IL1R1: variants seen among roughly 807,000 people sequenced by gnomAD.
The protein encoded by IL1R1 is interleukin-1 receptor type 1.
In IL1R1, 22 loss-of-function variants were observed where a neutral mutation model predicts 50.2. The observed-to-expected ratio is 0.44, with a 90% CI of 0.31 to 0.63. IL1R1 has a LOEUF of 0.63. IL1R1 is among the 20% of genes least tolerant of loss of function. The pLI is 0.07. For missense variants in IL1R1, 509 were observed against 676.2 expected (o/e 0.75, Z 2.74); for synonymous variants, 251 against 236.7 (o/e 1.06, Z -0.55).
At position 102,179,437 on chromosome 2, in the gene IL1R1, T is replaced by C. The variant is rs954183924; in HGVS notation, c.*2678T>C. On this transcript the variant is annotated 3_prime_UTR_variant, in exon 12 of 12. Transcript: ENST00000410023. ...CTGGAGGAAGAAGACACATTCCTAG[T>C]TCCCCGTGAACTTCCTTTGACTTAT... 1.3e-5 allele frequency: 2 copies of C among 152,382 alleles called. No individual in the cohort carries two copies. The highest frequency in any genetic ancestry group is 2.1e-4 in the South Asian group (1 of 4,834). 9.4% of individuals were successfully genotyped at this position (152,382 alleles called of 1,614,324 possible).
At chr2:102,090,276 A>G (rs1679610689) in intron 1 of IL1R1, among the ~76,000 whole-genome samples, 1 of 151,002 alleles carries the variant, frequency 6.6e-6, no homozygotes, top group South Asian at 2.1e-4. Flanking sequence ...TGTTGGGGGT[A>G]TGTAATAACA....
At chr2:102,103,089 G>A (rs138407716), upstream of IL1R1, among the ~76,000 whole-genome samples, 321 of 152,208 alleles carry the variant, frequency 2.1e-3, no homozygotes, top group Middle Eastern at 0.017. Context: ...AGACCAAGCC[G>A]CCTGAATACA....
intron 1 of IL1R1, among the ~76,000 whole-genome samples, chr2:102,088,526 A>G (rs980317360): frequency 6.6e-6 from 1 of 152,174 alleles, no homozygotes; most frequent in Non-Finnish European, 1.5e-5. Flanking sequence ...TGTTAAGTTT[A>G]TAGCGCATAG....
chr2:102,117,869 C>T (rs1284874639), intron 1 of IL1R1, among the ~76,000 whole-genome samples: 2 of 151,502 alleles, frequency 1.3e-5, no homozygotes, highest in Non-Finnish European at 2.9e-5. Context: ...GGGAGTTTTC[C>T]GTCAAAATCA....
Position 102,127,804 on chromosome 2 carries a change from C to A in IL1R1, c.-84+22932C>A, listed in dbSNP as rs531905356. 1.5e-4 allele frequency among the ~76,000 whole-genome samples: 23 copies of A among 152,030 alleles called. 1 individual carries two copies. The highest frequency in any genetic ancestry group is 5.3e-4 in the African/African-American group (22 of 41,442). ...AGTAGTGTAGGAGGAATGAGAAAGC[C>A]ATACTGCAATTATCAGGACAGGAAA... On this transcript the variant is annotated intron_variant, in intron 1 of 10. Coordinates refer to the IL1R1 transcript ENST00000409329.
At position 102,119,250 on chromosome 2, in the gene IL1R1, C is replaced by T. The variant is rs531164859; in HGVS notation, c.-84+14378C>T. Reference sequence around the variant, plus strand: ...TAGTGATAATGTAAGTTCTTTATTGCACTTCAAAAGTATTTCTCTGTCCAT... The same window carrying T: ...TAGTGATAATGTAAGTTCTTTATTGTACTTCAAAAGTATTTCTCTGTCCAT... On this transcript the variant is annotated intron_variant, in intron 1 of 10. Coordinates refer to the IL1R1 transcript ENST00000409329. Among the ~76,000 whole-genome samples the T allele has an allele frequency of 3.0e-4, 45 of 152,228 alleles. 1 individual carries two copies. The highest frequency in any genetic ancestry group is 6.2e-4 in the South Asian group (3 of 4,830).
chr2:102,091,800 C>T (rs1679678386), intron 1 of IL1R1, among the ~76,000 whole-genome samples: 1 of 152,162 alleles, frequency 6.6e-6, no homozygotes, highest in Non-Finnish European at 1.5e-5. Flanking sequence ...CCTTCCCAGC[C>T]TCTACTATCT....
chr2:102,155,294 G>A (rs874108), intron 2 of IL1R1, among the ~76,000 whole-genome samples: 1 of 152,338 alleles, frequency 6.6e-6, no homozygotes, highest in African/African-American at 2.4e-5. Context: ...TCAATGACAT[G>A]CTGTCACTGC....
At chr2:102,152,322 G>C (rs1203408728) in intron 1 of IL1R1, among the ~76,000 whole-genome samples, 1 of 151,134 alleles carries the variant, frequency 6.6e-6, no homozygotes, top group Non-Finnish European at 1.5e-5. Flanking sequence ...TGGCTAACAC[G>C]GTGAAACCCC....
chr2:102,173,655 A>G (rs3917311), intron 9 of IL1R1, among the ~76,000 whole-genome samples: 2,126 of 152,326 alleles, frequency 0.014, 22 homozygotes, highest in East Asian at 0.05. Context: ...TATTATGAAG[A>G]TATCAGTTCT....
chr2:102,087,583 A>G (rs574959203), intron 1 of IL1R1, among the ~76,000 whole-genome samples: 8 of 152,292 alleles, frequency 5.3e-5, no homozygotes, highest in African/African-American at 1.7e-4. Flanking sequence ...TGACTGGATC[A>G]TGGGAGCTGT....
intron 1 of IL1R1, among the ~76,000 whole-genome samples, chr2:102,114,632 ATCAC>A (rs1449300980): frequency 6.6e-6 from 1 of 152,238 alleles, no homozygotes; most frequent in Non-Finnish European, 1.5e-5. Context: ...TACACTCGGT[ATCAC>A]TCACTGTGCT....
intron 3 of IL1R1, among the ~76,000 whole-genome samples, chr2:102,158,968 G>T (rs1684455767): frequency 6.6e-6 from 1 of 152,208 alleles, no homozygotes; most frequent in Admixed American, 6.5e-5. Context: ...TTTGGGAACA[G>T]AACCAAGAGG....
At chr2:102,100,048 A>G (rs1356572015), upstream of IL1R1, among the ~76,000 whole-genome samples, 1 of 151,422 alleles carries the variant, frequency 6.6e-6, no homozygotes, top group Non-Finnish European at 1.5e-5. Context: ...TCCCTCCCCA[A>G]CCCCTGGCTT....
intron 8 of IL1R1, chr2:102,172,129 C>A (rs1685739643): frequency 3.4e-6 from 1 of 291,458 alleles, no homozygotes; most frequent in African/African-American, 2.7e-5. Flanking sequence ...GTGCAAATTA[C>A]AGACCACTTA....
chr2:102,123,530 C>T (rs769770206), intron 1 of IL1R1, among the ~76,000 whole-genome samples: 1 of 152,184 alleles, frequency 6.6e-6, no homozygotes, highest in Non-Finnish European at 1.5e-5. Flanking sequence ...AATCCCAGCA[C>T]TTTGGGAGGC....
chr2:102,162,763 C>T (rs746607900), intron 3 of IL1R1, among the ~76,000 whole-genome samples: 17 of 151,880 alleles, frequency 1.1e-4, no homozygotes, highest in Non-Finnish European at 2.2e-4. Flanking sequence ...AACTTTATAG[C>T]ATTTTATTAT....
chr2:102,102,731 A>T (rs1489843593), upstream of IL1R1, among the ~76,000 whole-genome samples: 3 of 152,144 alleles, frequency 2.0e-5, no homozygotes, highest in Non-Finnish European at 4.4e-5. Flanking sequence ...CTCAATAGCA[A>T]AGACATGGAA....
At chr2:102,172,940 C>A in intron 9 of IL1R1, 102 bp downstream of exon 9, 1 of 758,716 alleles carries the variant, frequency 1.3e-6, no homozygotes, top group Non-Finnish European at 2.2e-6. Flanking sequence ...ACACGCTTCA[C>A]TTCCTCATTA....
Sources: gnomAD v4.1 joint callset for allele counts (sites outside exome capture counted in the v4.1 genomes callset) on GRCh38, gnomAD v4.1.1 for gene constraint, MANE v1.5 for transcripts, NCBI Gene and HGNC (gene_info 2026-07-23, HGNC 2026-07-21) for gene names.